Variants in PAPSS1 observed in about 807,000 individuals in gnomAD.
The protein encoded by PAPSS1 is bifunctional 3'-phosphoadenosine 5'-phosphosulfate synthase 1.
A neutral mutation model predicts 72.0 loss-of-function variants in PAPSS1; 50 were observed. The ratio of observed to expected loss-of-function variants is 0.69; its 90% CI spans 0.55 to 0.88. The LOEUF (loss-of-function observed/expected upper bound fraction) is 0.88. PAPSS1 is among the 40% of genes least tolerant of loss of function. The pLI, the probability that PAPSS1 is intolerant of heterozygous loss-of-function variation, is 0.00. For missense variants in PAPSS1, 657 were observed against 782.2 expected (o/e 0.84, Z 1.91); for synonymous variants, 261 against 263.6 (o/e 0.99, Z 0.09).
At chr4:107,665,244 G>A (rs1727285513) in intron 5 of PAPSS1, among the ~76,000 whole-genome samples, 1 of 152,170 alleles carries the variant, frequency 6.6e-6, no homozygotes, top group Non-Finnish European at 1.5e-5. Context: ...TAAACATGCA[G>A]ATGCTGCCAG....
chr4:107,651,848 T>C (rs1726847651), intron 9 of PAPSS1, among the ~76,000 whole-genome samples: 2 of 152,208 alleles, frequency 1.3e-5, no homozygotes, highest in South Asian at 4.1e-4. Flanking sequence ...TTACACATCT[T>C]ATTTCACTTT....
At chr4:107,623,193 CACTACAAGTATACTGACTTTGTA>C (rs1467771882) in intron 11 of PAPSS1, among the ~76,000 whole-genome samples, 3 of 152,194 alleles carry the variant, frequency 2.0e-5, no homozygotes, top group Non-Finnish European at 2.9e-5. Flanking sequence ...GTTTTACAAA[CACTACAAGTATACTGACTTTGTA>C]ATCTATATCT....
At chr4:107,695,765 TTC>T (rs1723049948) in intron 2 of PAPSS1, among the ~76,000 whole-genome samples, 1 of 152,214 alleles carries the variant, frequency 6.6e-6, no homozygotes, top group East Asian at 1.9e-4. Flanking sequence ...TTGTTATTGG[TTC>T]TGTTTATGTG....
rs551239340 is a variant in PAPSS1, at chr4:107,642,431, T to C, written c.1506+2371A>G. 1.0e-3 allele frequency among the ~76,000 whole-genome samples: 159 copies of C among 152,258 alleles called. 1 individual carries two copies. The highest frequency in any genetic ancestry group is 1.8e-3 in the Non-Finnish European group (120 of 68,002). ...CTCACCTGTGAACTGTGAATAACAATAGTACCTACCCTCTTAGTATTATAA... is the reference window on the plus strand; with the variant it reads ...CTCACCTGTGAACTGTGAATAACAACAGTACCTACCCTCTTAGTATTATAA... On this transcript the variant is annotated intron_variant, in intron 10 of 11. Coordinates refer to ENST00000265174, the MANE Select transcript of PAPSS1 (RefSeq NM_005443.5).
At chr4:107,676,718 C>T (rs1727661734) in intron 5 of PAPSS1, among the ~76,000 whole-genome samples, 2 of 152,178 alleles carry the variant, frequency 1.3e-5, no homozygotes, top group Non-Finnish European at 2.9e-5. Flanking sequence ...AAAGGGCCCA[C>T]ATTGCCAAGT....
At chr4:107,717,219 G>T (rs1739455001) in intron 1 of PAPSS1, among the ~76,000 whole-genome samples, 1 of 151,982 alleles carries the variant, frequency 6.6e-6, no homozygotes, top group African/African-American at 2.4e-5. Context: ...TTATTTCGCG[G>T]TTACTTTTTA....
intron 1 of PAPSS1, among the ~76,000 whole-genome samples, chr4:107,701,976 C>CAAA (rs11328129): frequency 6.7e-5 from 9 of 133,918 alleles, no homozygotes; most frequent in African/African-American, 2.2e-4. Context: ...AAAGCTGCTT[C>CAAA]AAAAAAAAAA....
At chr4:107,717,406 A>T (rs376314595) in intron 1 of PAPSS1, among the ~76,000 whole-genome samples, 1 of 152,184 alleles carries the variant, frequency 6.6e-6, no homozygotes, top group East Asian at 1.9e-4. Context: ...GCAAATGCTA[A>T]TTGTAATAGA....
intron 11 of PAPSS1, among the ~76,000 whole-genome samples, chr4:107,623,800 A>C (rs527734372): frequency 7.2e-5 from 11 of 152,210 alleles, no homozygotes; most frequent in Non-Finnish European, 1.5e-4. Flanking sequence ...TACCAGGGCA[A>C]AAGCAGCTTC....
intron 10 of PAPSS1, among the ~76,000 whole-genome samples, chr4:107,636,402 C>T (rs1032542611): frequency 2.6e-5 from 4 of 152,112 alleles, no homozygotes; most frequent in Non-Finnish European, 5.9e-5. Flanking sequence ...ACGAAACAAA[C>T]GTTCTAGGCC....
chr4:107,650,046 G>A (rs1425278052), intron 9 of PAPSS1, among the ~76,000 whole-genome samples: 1 of 152,228 alleles, frequency 6.6e-6, no homozygotes, highest in African/African-American at 2.4e-5. Flanking sequence ...TGATAGTGCT[G>A]TGCACAGGAC....
chr4:107,669,675 A>C (rs17618621), intron 5 of PAPSS1, among the ~76,000 whole-genome samples: 29,240 of 152,184 alleles, frequency 0.19, 3,111 homozygotes, highest in East Asian at 0.37. Flanking sequence ...ATTTATTCAG[A>C]AAAGCATGTA....
intron 5 of PAPSS1, among the ~76,000 whole-genome samples, chr4:107,677,864 T>C (rs1166126130): frequency 6.6e-6 from 1 of 152,166 alleles, no homozygotes; most frequent in Non-Finnish European, 1.5e-5. Context: ...TCATAAAAGA[T>C]GATGAGTTCA....
chr4:107,706,081 G>C (rs1196902914), intron 1 of PAPSS1, among the ~76,000 whole-genome samples: 2 of 152,162 alleles, frequency 1.3e-5, no homozygotes, highest in East Asian at 3.8e-4. Flanking sequence ...GCTGCTTTCA[G>C]AATCCTCTTT....
Position 107,654,767 on chromosome 4 carries a change from A to C in PAPSS1, c.1029T>G (p.Phe343Leu), listed in dbSNP as rs1308613017. The C allele has an allele frequency of 6.2e-7, 1 of 1,613,978 alleles. No homozygotes were observed. Among genetic ancestry groups the C allele is most frequent in the South Asian group, 1.1e-5 (1 of 91,070 alleles). Residue 343 changes from phenylalanine (F) to leucine (L), a missense_variant, in exon 8 of 12, where the codon TTT (phenylalanine) becomes TTG (leucine). Around this residue, in one of 7 missense-constraint regions of PAPSS1, gnomAD observed 190 missense variants for 176.7 expected, o/e 1.07. Coordinates refer to ENST00000265174, the MANE Select transcript of PAPSS1 (RefSeq NM_005443.5). ...RRVAILRNPEFFEHRKEERCA... is the reference protein window; with the variant it reads ...RRVAILRNPELFEHRKEERCA... ...AGCGCTCCTCTTTCCTGTGCTCAAA[A>C]AACTCTGGATTGCGAAGAATGGCCA...
intron 3 of PAPSS1, among the ~76,000 whole-genome samples, chr4:107,690,393 T>C (rs1166239404): frequency 6.6e-6 from 1 of 152,176 alleles, no homozygotes; most frequent in Non-Finnish European, 1.5e-5. Flanking sequence ...GTTTTCTCCC[T>C]CTGGTCTAAC....
At chr4:107,641,819 T>C (rs966778989) in intron 10 of PAPSS1, among the ~76,000 whole-genome samples, 1 of 152,202 alleles carries the variant, frequency 6.6e-6, no homozygotes, top group Admixed American at 6.5e-5. Context: ...TAGGACTTCA[T>C]AGACTTATGA....
chr4:107,654,868 G>C lies in PAPSS1; in HGVS notation c.928C>G (p.Leu310Val). The change falls in exon 8 of 12, where the codon CTG (leucine) becomes GTG (valine). Residue 310 changes from leucine to valine, a missense_variant. Leu to Val is a conservative substitution (Grantham distance 32). Coordinates refer to ENST00000265174, the MANE Select transcript of PAPSS1 (RefSeq NM_005443.5). ...GVINLSVPIV[L>V]TATHEDKERL... ...TCTTTATCTTCATGAGTCGCAGTCA[G>C]AACTATAGGTACTGACAAGTTAATG... 3.1e-6 allele frequency: 5 copies of C among 1,613,864 alleles called. No individual in the cohort carries two copies. Among genetic ancestry groups the C allele is most frequent in the Non-Finnish European group, 4.2e-6 (5 of 1,179,894 alleles).
At chr4:107,687,626 TCTC>T (rs35142264) in intron 3 of PAPSS1, among the ~76,000 whole-genome samples, 1,771 of 152,072 alleles carry the variant, frequency 0.012, 36 homozygotes, top group African/African-American at 0.04. Flanking sequence ...TGCAGCCACT[TCTC>T]CTCTCTAACA....
Sources: gnomAD v4.1 joint callset for allele counts (sites outside exome capture counted in the v4.1 genomes callset) on GRCh38, gnomAD v4.1.1 for gene constraint, gnomAD v4.1.1 regional missense constraint, MANE v1.5 for transcripts, NCBI Gene and HGNC (gene_info 2026-07-23, HGNC 2026-07-21) for gene names.